Variants in ACAD10 observed in about 807,000 individuals in gnomAD.
The protein encoded by ACAD10 is ACAD-10.
ACAD10 carries 112 observed loss-of-function variants against 116.8 expected under a neutral mutation model. The ratio of observed to expected loss-of-function variants is 0.96; its 90% CI spans 0.82 to 1.12. The LOEUF is 1.12. ACAD10 is among the 50% of genes most tolerant of loss of function. The pLI, the probability that ACAD10 is intolerant of heterozygous loss-of-function variation, is 0.00. For missense variants in ACAD10, 1,259 were observed against 1,350.2 expected (o/e 0.93, Z 1.06); for synonymous variants, 486 against 510.6 (o/e 0.95, Z 0.65).
chr12:111,731,319 C>T (rs1889379375), intron 10 of ACAD10, among the ~76,000 whole-genome samples: 1 of 152,244 alleles, frequency 6.6e-6, no homozygotes, highest in African/African-American at 2.4e-5. Flanking sequence ...CTGCCTTGAA[C>T]GTGGCATGCA....
chr12:111,696,582 A>G (rs569119678), intron 2 of ACAD10, among the ~76,000 whole-genome samples: 2 of 152,318 alleles, frequency 1.3e-5, no homozygotes, highest in Admixed American at 6.5e-5. Flanking sequence ...AGTAATTTCA[A>G]CAGGGTCCGT....
intron 18 of ACAD10, chr12:111,753,505 G>T (rs759744044): frequency 1.5e-6 from 1 of 672,862 alleles, no homozygotes; most frequent in African/African-American, 1.8e-5. Flanking sequence ...TGGAATAAAG[G>T]GTTCTTGGAA....
At chr12:111,728,239 A>G in intron 9 of ACAD10, 96 bp downstream of exon 9, 1 of 1,257,868 alleles carries the variant, frequency 7.9e-7, no homozygotes, top group Non-Finnish European at 1.1e-6. Flanking sequence ...GAGTATTAGC[A>G]CACCAAGCGT....
intron 12 of ACAD10, among the ~76,000 whole-genome samples, chr12:111,739,494 C>T (rs567851877): frequency 3.3e-5 from 5 of 152,300 alleles, no homozygotes; most frequent in East Asian, 1.9e-4. Flanking sequence ...TGGTGGCTCA[C>T]GCCTGTAATC....
chr12:111,753,963 T>C, intron 19 of ACAD10, 48 bp downstream of exon 19: 1 of 1,548,858 alleles, frequency 6.5e-7, no homozygotes, highest in South Asian at 1.2e-5. Context: ...AGATTCTTCC[T>C]CCTCACTCAG....
Position 111,750,095 on chromosome 12 carries a change from G to GT in ACAD10, c.2817+764dup, listed in dbSNP as rs199931703. ...GCAAAAAAAAGAAAAAGTTTTTTTT[G>GT]TTTTTTTTTTTTTTGAGACGGAATC... is the stretch of plus-strand genomic sequence containing the variant. On this transcript the variant is annotated intron_variant, in intron 18 of 20. Transcript: ENST00000313698. Among the ~76,000 whole-genome samples the GT allele has an allele frequency of 0.053, 7,030 of 132,164 alleles. 1,032 individuals carry two copies. The East Asian group carries it at 0.62, about 12-fold the overall frequency. 86.7% of individuals were successfully genotyped at this position (132,164 alleles called of 152,430 possible).
intron 11 of ACAD10, among the ~76,000 whole-genome samples, chr12:111,735,991 G>A (rs984166279): frequency 7.0e-6 from 1 of 142,990 alleles, no homozygotes; most frequent in Non-Finnish European, 1.5e-5. Context: ...GCGATTCTCC[G>A]GCCTCGGCCT....
intron 11 of ACAD10, among the ~76,000 whole-genome samples, chr12:111,735,838 T>C (rs1889539710): frequency 6.6e-6 from 1 of 152,024 alleles, no homozygotes; most frequent in Non-Finnish European, 1.5e-5. Context: ...ATTTATTTGT[T>C]TATTTGTTTA....
At chr12:111,731,473 C>T (rs1441222503) in intron 10 of ACAD10, among the ~76,000 whole-genome samples, 1 of 152,190 alleles carries the variant, frequency 6.6e-6, no homozygotes, top group African/African-American at 2.4e-5. Flanking sequence ...TGTCACCAGC[C>T]CACAACAGCT....
At chr12:111,712,038 T>C (rs780980548) in intron 5 of ACAD10, among the ~76,000 whole-genome samples, 7 of 152,334 alleles carry the variant, frequency 4.6e-5, no homozygotes, top group Non-Finnish European at 7.3e-5. Flanking sequence ...CTTTGCCTCT[T>C]TTAAAAAGTT....
At chr12:111,703,842 TCAAAAA>T (rs937367365) in intron 3 of ACAD10, among the ~76,000 whole-genome samples, 1 of 151,420 alleles carries the variant, frequency 6.6e-6, no homozygotes, top group African/African-American at 2.4e-5. Context: ...AGACTCCATC[TCAAAAA>T]CAAAAACAAA....
chr12:111,747,868 T>G (rs1476906145), intron 16 of ACAD10: 5 of 701,776 alleles, frequency 7.1e-6, no homozygotes, highest in Non-Finnish European at 7.1e-6. Flanking sequence ...GCATCCCCAT[T>G]TTGCAAAGGA....
chr12:111,692,580 G>A (rs1888082498), intron 1 of ACAD10, 117 bp from the exon 2 acceptor site: 5 of 1,014,180 alleles, frequency 4.9e-6, no homozygotes, highest in Admixed American at 2.5e-5. Context: ...GGTGTGATTC[G>A]AAGTGCCTGT....
chr12:111,698,457 A>C (rs1480756461), intron 2 of ACAD10, among the ~76,000 whole-genome samples: 7 of 139,466 alleles, frequency 5.0e-5, no homozygotes, highest in African/African-American at 5.4e-5. Context: ...TGAATTGCTC[A>C]CTTTTCTTGT....
At chr12:111,745,873 G>T (rs1490233463) in intron 13 of ACAD10, among the ~76,000 whole-genome samples, 5 of 128,318 alleles carry the variant, frequency 3.9e-5, no homozygotes, top group Non-Finnish European at 7.8e-5. Flanking sequence ...ACAGGGTCTC[G>T]CTTTGTCACC....
chr12:111,723,331 C>A (rs1330523416), intron 8 of ACAD10, among the ~76,000 whole-genome samples: 7 of 138,060 alleles, frequency 5.1e-5, no homozygotes, highest in East Asian at 2.3e-4. Context: ...CTGACCCCCC[C>A]ACCTCCCTCC....
At chr12:111,755,594 G>A in intron 19 of ACAD10, 74 bp from the exon 20 acceptor site, 1 of 1,096,424 alleles carries the variant, frequency 9.1e-7, no homozygotes, top group East Asian at 2.4e-5. Context: ...GTAGAGATGG[G>A]GGACGGGGGG....
At chr12:111,710,527 C>T (rs556148279) in intron 5 of ACAD10, among the ~76,000 whole-genome samples, 9 of 146,678 alleles carry the variant, frequency 6.1e-5, no homozygotes, top group Non-Finnish European at 1.4e-4. Context: ...CAGAGTTTCA[C>T]TTTGTCACCC....
Position 111,756,482 on chromosome 12 carries a change from G to C in ACAD10, c.*9G>C. ...TGAAGCACCGCATTTAGAGCCTTGG[G>C]GCTGCAGTGGCTCAATGTCCTGGCT... is the stretch of plus-strand genomic sequence containing the variant. On this transcript the variant is annotated 3_prime_UTR_variant, in exon 21 of 21. Coordinates refer to ENST00000313698, the MANE Select transcript of ACAD10 (RefSeq NM_025247.6). 6.2e-7 allele frequency: 1 copy of C among 1,611,006 alleles called. No homozygotes were observed. Among genetic ancestry groups the C allele is most frequent in the African/African-American group, 1.3e-5 (1 of 74,962 alleles).
Sources: allele counts gnomAD v4.1 joint callset (sites outside exome capture counted in the v4.1 genomes callset), GRCh38; gene constraint gnomAD v4.1.1; transcripts MANE v1.5; gene names NCBI Gene and HGNC (gene_info 2026-07-23, HGNC 2026-07-21).